Variants in LRRC37A2 observed in about 807,000 individuals in gnomAD.
LRRC37A2 encodes the protein leucine rich repeat containing 37 member A2.
Under a neutral mutation model 68.8 loss-of-function variants are expected in LRRC37A2, and 9 were observed. That is an observed-to-expected ratio of 0.13 (90% CI 0.08 to 0.23). The LOEUF is 0.23. LRRC37A2 is among the 10% of genes least tolerant of loss of function. The pLI is 1.00. For missense variants in LRRC37A2, 168 were observed against 950.4 expected (o/e 0.18, Z 10.82); for synonymous variants, 63 against 367.6 (o/e 0.17, Z 9.48).
chr17:46,940,247 C>A, the LRRC37A2 span: 2 of 1,422,116 alleles, frequency 1.4e-6, no homozygotes, highest in Non-Finnish European at 1.8e-6. Context: ...GCTAATTTCA[C>A]ACTTTCGGTT....
chr17:46,933,213 G>T, the LRRC37A2 span: 1 of 152,206 alleles, frequency 6.6e-6, no homozygotes, highest in Non-Finnish European at 1.5e-5. Context: ...TGCCAGCCTG[G>T]CGTGATGCTG....
At chr17:46,804,621 G>A in the LRRC37A2 span, among the ~76,000 whole-genome samples, 1 of 152,198 alleles carries the variant, frequency 6.6e-6, no homozygotes, top group Admixed American at 6.5e-5. Flanking sequence ...GATCAGAAGA[G>A]GAAGAACAAG....
At chr17:47,035,075 ACTC>A in the LRRC37A2 span, 1 of 151,646 alleles carries the variant, frequency 6.6e-6, no homozygotes, top group East Asian at 1.9e-4. Flanking sequence ...GTGAATCTTC[ACTC>A]CTCTTCTTTC....
the LRRC37A2 span, among the ~76,000 whole-genome samples, chr17:46,727,176 G>A: frequency 6.6e-6 from 1 of 152,166 alleles, no homozygotes; most frequent in Non-Finnish European, 1.5e-5. Context: ...TAAAAGTGCA[G>A]TATAGTAATT....
chr17:46,548,336 C>T, exon 10 of LRRC37A2: 3 of 487,802 alleles, frequency 6.2e-6, no homozygotes, highest in Non-Finnish European at 6.5e-6. Flanking sequence ...GTAGGGAATC[C>T]AGAAGGAGCG....
the LRRC37A2 span, among the ~76,000 whole-genome samples, chr17:46,900,939 G>C: frequency 2.0e-5 from 3 of 152,138 alleles, no homozygotes; most frequent in African/African-American, 7.2e-5. Flanking sequence ...GGGGAGGGGA[G>C]GTGGATAAGA....
the LRRC37A2 span, among the ~76,000 whole-genome samples, chr17:46,779,103 A>ACACACACCCCCC: frequency 4.1e-4 from 55 of 133,632 alleles, 1 homozygote; most frequent in East Asian, 3.1e-3. Context: ...ACACACACAC[A>ACACACACCCCCC]CCCCAGCCCA....
chr17:46,727,727 G>A, the LRRC37A2 span, among the ~76,000 whole-genome samples: 1 of 152,168 alleles, frequency 6.6e-6, no homozygotes, highest in East Asian at 1.9e-4. Flanking sequence ...TCATAGCTCT[G>A]TGTAAATTCC....
At chr17:46,573,022 G>A in the LRRC37A2 span, among the ~76,000 whole-genome samples, 2 of 117,516 alleles carry the variant, frequency 1.7e-5, no homozygotes, top group East Asian at 4.8e-4. Context: ...AGGAAGGGAG[G>A]AAAGGAAAAG....
chr17:46,708,377 A>G, the LRRC37A2 span, among the ~76,000 whole-genome samples: 2 of 152,122 alleles, frequency 1.3e-5, no homozygotes, highest in Non-Finnish European at 2.9e-5. Context: ...TTTTGGTAGT[A>G]GCCATCCTAA....
chr17:46,915,736 G>A, the LRRC37A2 span, among the ~76,000 whole-genome samples: 1 of 152,208 alleles, frequency 6.6e-6, no homozygotes, highest in Admixed American at 6.5e-5. Flanking sequence ...CTCTTGATCT[G>A]TGTGGTTGGC....
At chr17:46,895,535 G>A in the LRRC37A2 span, among the ~76,000 whole-genome samples, 1 of 152,324 alleles carries the variant, frequency 6.6e-6, no homozygotes, top group Non-Finnish European at 1.5e-5. Context: ...TGGCCTGTCT[G>A]AGCATTCTGT....
At chr17:46,797,145 T>C in the LRRC37A2 span, among the ~76,000 whole-genome samples, 2 of 152,092 alleles carry the variant, frequency 1.3e-5, no homozygotes, top group Admixed American at 6.6e-5. Context: ...ATGAGAACAA[T>C]AAACACCAAG....
chr17:46,938,178 G>A, the LRRC37A2 span, among the ~76,000 whole-genome samples: 1 of 151,734 alleles, frequency 6.6e-6, no homozygotes, highest in Non-Finnish European at 1.5e-5. Context: ...GCAGTTTTTA[G>A]ATATTCTCCT....
At chr17:47,018,345 C>G in the LRRC37A2 span, 1 of 1,611,388 alleles carries the variant, frequency 6.2e-7, no homozygotes, top group Non-Finnish European at 8.5e-7. Context: ...GACCCCAGGT[C>G]AGCCTCTAGA....
chr17:46,885,143 C>T, the LRRC37A2 span: 1 of 375,566 alleles, frequency 2.7e-6, no homozygotes, highest in Non-Finnish European at 5.3e-6. Flanking sequence ...CATGCACCAC[C>T]ACGCCTGACT....
the LRRC37A2 span, chr17:46,818,730 G>C: frequency 5.6e-6 from 5 of 892,790 alleles, no homozygotes; most frequent in Non-Finnish European, 9.0e-6. Flanking sequence ...TCCACCCGCA[G>C]CCGCCCCCCT....
At chr17:46,762,223 T>TG in the LRRC37A2 span, among the ~76,000 whole-genome samples, 94 of 152,336 alleles carry the variant, frequency 6.2e-4, no homozygotes, top group African/African-American at 2.2e-3. Context: ...ATTTATACAT[T>TG]GAAAATACTT....
chr17:46,809,226 G>A, the LRRC37A2 span, among the ~76,000 whole-genome samples: 1 of 152,200 alleles, frequency 6.6e-6, no homozygotes, highest in Non-Finnish European at 1.5e-5. Flanking sequence ...GTCAGAGCAG[G>A]GGAGTGGCAC....
Sources: allele counts gnomAD v4.1 joint callset (sites outside exome capture counted in the v4.1 genomes callset), GRCh38; gene constraint gnomAD v4.1.1; transcripts MANE v1.5; gene names NCBI Gene and HGNC (gene_info 2026-07-23, HGNC 2026-07-21).